LRP10: variants seen among roughly 807,000 people sequenced by gnomAD.
LRP10 encodes LDL receptor related protein 10, also known as low-density lipoprotein receptor-related protein 10.
LRP10 carries 42 observed loss-of-function variants against 58.5 expected under a neutral mutation model. That is an observed-to-expected ratio of 0.72 (90% confidence interval 0.56 to 0.93). LRP10 has a LOEUF of 0.93. Ranked by LOEUF, LRP10 falls within the 40% of genes least tolerant of loss-of-function variation. The probability of loss-of-function intolerance (pLI) is 0.00; values close to 1 mark genes in which losing one functional copy is unlikely to be tolerated. For synonymous variants in LRP10, 377 were observed against 388.5 expected (o/e 0.97, Z 0.35); for missense variants, 872 against 940.1 (o/e 0.93, Z 0.95).
chr14:22,879,246 C>G lies in LRP10; in HGVS notation c.*1719C>G. 1 of 456,392 alleles carries G rather than the reference C, an allele frequency of 2.2e-6. No individual in the cohort carries two copies. Among genetic ancestry groups the G allele is most frequent in the Non-Finnish European group, 4.4e-6 (1 of 226,740 alleles). The allele number at this position is 456,392 out of a possible 1,614,324, so 28.3% of individuals were successfully genotyped here. ...GCAGAGAGGGGTGTGGGCCCATGTG[C>G]AGTTCTGGGACCCTGGCACCTTGGC... On this transcript the variant is annotated 3_prime_UTR_variant, in exon 7 of 7. Coordinates refer to ENST00000359591, the MANE Select transcript of LRP10 (RefSeq NM_014045.5).
In LRP10 at chr14:22,876,884, C is replaced by A. The variant is rs541824924; in HGVS notation, c.1555-56C>A. ...TTCTGCTGTGGCCCCGCCCCTGTAC[C>A]CTCCTTCATTCAGCCTTTGGCCCTC... is the stretch of plus-strand genomic sequence containing the variant. On this transcript the variant is annotated intron_variant, in intron 6 of 6. Transcript: ENST00000359591. 2.5e-6 allele frequency: 4 copies of A among 1,592,478 alleles called. No homozygotes were observed. In the East Asian group the frequency reaches 6.7e-5, roughly 27 times the overall value.
chr14:22,876,044 G>C lies in LRP10; in HGVS notation c.1096G>C (p.Ala366Pro), dbSNP rs764950401. ...CPPGHFPCGAAGTSGATACYL... is the reference protein window; with the variant it reads ...CPPGHFPCGAPGTSGATACYL... ...ACCTGGACACTTCCCCTGTGGGGCT[G>C]CTGGCACCTCTGGTGCCACAGCCTG... is the stretch of plus-strand genomic sequence containing the variant. Residue 366 changes from alanine (A) to proline (P), a missense_variant, in exon 5 of 7, where the codon GCT becomes CCT. Transcript: ENST00000359591. 6.2e-6 allele frequency: 10 copies of C among 1,613,026 alleles called. No individual in the cohort carries two copies. The highest frequency in any genetic ancestry group is 1.3e-5 in the African/African-American group (1 of 74,924).
rs115406929 is a variant in LRP10, at chr14:22,872,476, C to T, written c.34+139C>T. ...CCGCCAGCCCCAGCACTGCCGGCCC[C>T]AACCCCCAGGAAGTCTTCAGCTGCT... On this transcript the variant is annotated intron_variant, in intron 1 of 6. Coordinates refer to ENST00000359591, the MANE Select transcript of LRP10 (RefSeq NM_014045.5). 6.0e-4 allele frequency: 620 copies of T among 1,031,002 alleles called. 3 individuals carry two copies. The African/African-American group carries it at 7.2e-3, about 12-fold the overall frequency. 63.9% of individuals were successfully genotyped at this position (1,031,002 alleles called of 1,614,324 possible). A position where few individuals can be genotyped will look rare whatever the true frequency, so the allele number is the denominator to read the frequency against.
chr14:22,876,930 T>C lies in LRP10; in HGVS notation c.1555-10T>C. 1 of 1,581,254 alleles carries C rather than the reference T, an allele frequency of 6.3e-7. No homozygotes were observed. Among genetic ancestry groups the C allele is most frequent in the Non-Finnish European group, 8.6e-7 (1 of 1,160,760 alleles). On this transcript the variant is annotated splice_polypyrimidine_tract_variant and intron_variant, in intron 6 of 6. Transcript: ENST00000359591. ...CCCTCTGACTCTGAGGCCTCCTCAT[T>C]TCCTTGCAGAACTCAGTGCTGGGCA... is the stretch of plus-strand genomic sequence containing the variant.
chr14:22,872,613 G>GC (rs1200472586), intron 1 of LRP10, 125 bp from the exon 2 acceptor site: 174 of 870,906 alleles, frequency 2.0e-4, no homozygotes, highest in Admixed American at 5.4e-4. Context: ...GCCCTCTCCC[G>GC]CCCCCCACTC....
At position 22,875,651 on chromosome 14, in the gene LRP10, C is replaced by G. The variant is rs374479224; in HGVS notation, c.703C>G (p.Arg235Gly). Reference protein sequence around the residue: ...DPHDGRRLAVRFTALDLGFGD... With the variant: ...DPHDGRRLAVGFTALDLGFGD... ...CCATGATGGCCGGCGGCTGGCCGTG[C>G]GCTTCACAGCCCTGGACTTGGGCTT... is the stretch of plus-strand genomic sequence containing the variant. The change falls in exon 5 of 7, where the codon CGC (arginine) becomes GGC (glycine). Residue 235 changes from arginine (R) to glycine (G), a missense_variant. Arg to Gly is a moderately radical substitution (Grantham distance 125, BLOSUM62 -2). Transcript: ENST00000359591. 6.2e-7 allele frequency: 1 copy of G among 1,614,056 alleles called. No homozygotes were observed. Among genetic ancestry groups the G allele is most frequent in the Admixed American group, 1.7e-5 (1 of 60,010 alleles).
At position 22,878,919 on chromosome 14, in the gene LRP10, C is replaced by A. The variant is rs921636705; in HGVS notation, c.*1392C>A. 1 of 267,324 alleles carries A rather than the reference C, an allele frequency of 3.7e-6. No individual in the cohort carries two copies. The highest frequency in any genetic ancestry group is 3.6e-5 in the South Asian group (1 of 28,104). The allele number at this position is 267,324 out of a possible 1,614,324, so 16.6% of individuals were successfully genotyped here. A position where few individuals can be genotyped will look rare whatever the true frequency, so the allele number is the denominator to read the frequency against. ...CTGCCCCAGAGTTTGGAAGGAAGAT[C>A]GAGGCAGAAGATGTAGAAGGAAGCT... On this transcript the variant is annotated 3_prime_UTR_variant, in exon 7 of 7. Transcript: ENST00000359591.
Position 22,881,007 on chromosome 14 carries a change from C to CA in LRP10, c.*3490dup, listed in dbSNP as rs529289940. On this transcript the variant is annotated 3_prime_UTR_variant, in exon 7 of 7. Coordinates refer to ENST00000359591, the MANE Select transcript of LRP10 (RefSeq NM_014045.5). ...AACAGAGCGAGACAAGACTCCATCTCAAAAAAAAAAGTGAGTGCCCGATGA... is the reference window on the plus strand; with the variant it reads ...AACAGAGCGAGACAAGACTCCATCTCAAAAAAAAAAAGTGAGTGCCCGATGA... 2.7e-5 allele frequency: 4 copies of CA among 147,908 alleles called. No individual in the cohort carries two copies. Among genetic ancestry groups the CA allele is most frequent in the East Asian group, 2.0e-4 (1 of 5,088 alleles). 9.2% of individuals were successfully genotyped at this position (147,908 alleles called of 1,614,324 possible). A position where few individuals can be genotyped will look rare whatever the true frequency, so the allele number is the denominator to read the frequency against.
In LRP10 at chr14:22,876,696, GC is replaced by G; in HGVS notation, c.1438del (p.Leu480SerfsTer29). On this transcript the variant is annotated frameshift_variant, in exon 6 of 7. Coordinates refer to ENST00000359591, the MANE Select transcript of LRP10 (RefSeq NM_014045.5). LOFTEE classifies it high-confidence loss of function. ...AGTCCTCATTCCTTCTAGCATCTTT[GC>G]CCCCCTCTCCCGGATGGAGGCTGAG... ...AIRTQEYSIF[A>X]PLSRMEAEIV... 1 of 1,613,524 alleles carries G rather than the reference GC, an allele frequency of 6.2e-7. No homozygotes were observed. The highest frequency in any genetic ancestry group is 8.5e-7 in the Non-Finnish European group (1 of 1,179,720).
rs775338919 is a variant in LRP10, at chr14:22,877,265, C to G, written c.1880C>G (p.Thr627Arg). The G allele has an allele frequency of 1.2e-6, 2 of 1,611,262 alleles. No homozygotes were observed. The highest frequency in any genetic ancestry group is 2.2e-5 in the South Asian group (2 of 90,714). Reference protein sequence around the residue: ...PIKAPLPSASTSPAPTTVPEA... With the variant: ...PIKAPLPSASRSPAPTTVPEA... ...AAGGCTCCCCTCCCATCTGCTAGCA[C>G]GTCTCCAGCCCCCACTACTGTCCCT... The change falls in exon 7 of 7, where the codon ACG becomes AGG. Residue 627 changes from threonine (T) to arginine (R), a missense_variant. By Grantham distance (71) the Thr-to-Arg change is moderately conservative (BLOSUM62 -1). Coordinates refer to ENST00000359591, the MANE Select transcript of LRP10 (RefSeq NM_014045.5). This position sits in a 1 kb window ranked among gnomAD's most constrained non-coding sequence, Gnocchi z 5.1.
At chr14:22,872,871 C>A in intron 2 of LRP10, 89 bp downstream of exon 2, 1 of 1,393,556 alleles carries the variant, frequency 7.2e-7, no homozygotes, top group East Asian at 2.3e-5. Context: ...TCCATGGGAC[C>A]TACCAAAGTT....
At position 22,876,748 on chromosome 14, in the gene LRP10, C is replaced by T; in HGVS notation, c.1484C>T (p.Ser495Phe). 6.2e-7 allele frequency: 1 copy of T among 1,613,814 alleles called. No individual in the cohort carries two copies. Residue 495 changes from serine (S) to phenylalanine (F), a missense_variant, in exon 6 of 7, where the codon TCC (serine) becomes TTC (phenylalanine). Physicochemically the swap from Ser to Phe is radical, Grantham distance 155 (BLOSUM62 -2). Transcript: ENST00000359591. ...AEIVQQQAPP[S>F]YGQLIAQGAI... ...ATTGTGCAGCAGCAGGCACCCCCTTCCTACGGGCAGCTCATTGCCCAGGGT... is the reference window on the plus strand; with the variant it reads ...ATTGTGCAGCAGCAGGCACCCCCTTTCTACGGGCAGCTCATTGCCCAGGGT...
Position 22,877,387 on chromosome 14 carries a change from C to G in LRP10, c.2002C>G (p.Pro668Ala). Reference protein sequence around the residue: ...LRGRLLPSLGPPGPTRSPPGP... With the variant: ...LRGRLLPSLGAPGPTRSPPGP... ...AGGCCGCCTGTTGCCCAGCCTGGGG[C>G]CCCCAGGACCAACCCGGAGCCCCCC... is the stretch of plus-strand genomic sequence containing the variant. The change falls in exon 7 of 7, where the codon CCC becomes GCC. Residue 668 changes from proline to alanine, a missense_variant. By Grantham distance (27) the Pro-to-Ala change is conservative. Transcript: ENST00000359591. This position sits in a 1 kb window ranked among gnomAD's most constrained non-coding sequence, Gnocchi z 5.1. 1 of 1,613,454 alleles carries G rather than the reference C, an allele frequency of 6.2e-7. No homozygotes were observed. Among genetic ancestry groups the G allele is most frequent in the Non-Finnish European group, 8.5e-7 (1 of 1,179,716 alleles).
rs2039991115 is a variant in LRP10, at chr14:22,875,369, CT to C, written c.422del (p.Leu141ArgfsTer8). 6.2e-7 allele frequency: 1 copy of C among 1,611,794 alleles called. No homozygotes were observed. Among genetic ancestry groups the C allele is most frequent in the Non-Finnish European group, 8.5e-7 (1 of 1,178,300 alleles). ...LSYSQDWLMCLQEEFQCLNHR... is the reference protein window; with the variant it reads ...LSYSQDWLMCXQEEFQCLNHR... The stretch of plus-strand genomic sequence containing the variant: ...TGCCTCTGCAGATTGGCTGATGTGC[CT>C]GCAGGAAGAGTTTCAGTGCCTGAAC... On this transcript the variant is annotated frameshift_variant, in exon 5 of 7. Coordinates refer to ENST00000359591, the MANE Select transcript of LRP10 (RefSeq NM_014045.5). LOFTEE classifies it high-confidence loss of function.
intron 3 of LRP10, 37 bp from the exon 4 acceptor site, chr14:22,875,018 A>C: frequency 7.0e-7 from 1 of 1,429,154 alleles, no homozygotes; most frequent in Non-Finnish European, 9.3e-7. Context: ...GCAGCAGTCA[A>C]GAGTATCTCA....
intron 3 of LRP10, among the ~76,000 whole-genome samples, chr14:22,874,797 G>A (rs988539730): frequency 9.2e-5 from 14 of 152,188 alleles, no homozygotes; most frequent in African/African-American, 3.1e-4. Context: ...TGAGGCAGGA[G>A]ACTCACTTGA....
chr14:22,876,336 C>G lies in LRP10; in HGVS notation c.1388C>G (p.Thr463Ser), dbSNP rs773984414. ...CTCCTGGTCATCGCCCTGGGCTGCA[C>G]CTGCAAGCTCTATGCCATTCGCACC... is the stretch of plus-strand genomic sequence containing the variant. Reference protein sequence around the residue: ...GLLLVIALGCTCKLYAIRTQE... With the variant: ...GLLLVIALGCSCKLYAIRTQE... Residue 463 changes from threonine to serine, a missense_variant, in exon 5 of 7, where the codon ACC (threonine) becomes AGC (serine). Coordinates refer to ENST00000359591, the MANE Select transcript of LRP10 (RefSeq NM_014045.5). 2 of 1,614,050 alleles carry G rather than the reference C, an allele frequency of 1.2e-6. No individual in the cohort carries two copies. The highest frequency in any genetic ancestry group is 2.2e-5 in the East Asian group (1 of 44,882).
rs4982699 is a variant in LRP10 at position 22,878,584 on chromosome 14, G to A, written c.*1057G>A. On this transcript the variant is annotated 3_prime_UTR_variant, in exon 7 of 7. Coordinates refer to ENST00000359591, the MANE Select transcript of LRP10 (RefSeq NM_014045.5). The stretch of plus-strand genomic sequence containing the variant: ...AGGCAGGCAAAGGTGAGTGGAGGGA[G>A]AATTCACAAACATTCAGGGTGTGTG... 149,706 of 152,840 alleles carry A rather than the reference G, an allele frequency of 0.98. 73,385 individuals are homozygous for A. Among genetic ancestry groups the A allele is most frequent in the Middle Eastern group, 1 (294 of 294 alleles). 9.5% of individuals were successfully genotyped at this position (152,840 alleles called of 1,614,324 possible).
intron 2 of LRP10, 23 bp from the exon 3 acceptor site, chr14:22,873,288 G>A (rs145476957): frequency 0.011 from 17,975 of 1,606,674 alleles, 137 homozygotes; most frequent in Non-Finnish European, 0.014. Context: ...TCTACTACCC[G>A]TGTCCTACCT....
Sources: allele counts gnomAD v4.1 joint callset (sites outside exome capture counted in the v4.1 genomes callset), GRCh38; gene constraint gnomAD v4.1.1; non-coding constraint Gnocchi (gnomAD v3.1); transcripts MANE v1.5; gene names NCBI Gene and HGNC (gene_info 2026-07-23, HGNC 2026-07-21).